The following SPEF2 variants were observed in gnomAD, a reference collection of about 807,000 sequenced individuals.
SPEF2 encodes the protein sperm flagella and cilia-associated protein 2.
A neutral mutation model predicts 224.6 loss-of-function variants in SPEF2; 187 were observed. That is an observed-to-expected ratio of 0.83 (90% CI 0.74 to 0.94). The LOEUF (loss-of-function observed/expected upper bound fraction) is 0.94. SPEF2 is among the 40% of genes least tolerant of loss of function. The pLI is 0.00. For missense variants in SPEF2, 2,170 were observed against 2,135.6 expected (o/e 1.02, Z -0.32); for synonymous variants, 715 against 707.3 (o/e 1.01, Z -0.17).
intron 21 of SPEF2, among the ~76,000 whole-genome samples, chr5:35,729,006 T>A (rs1477364522): frequency 6.6e-6 from 1 of 152,124 alleles, no homozygotes. Flanking sequence ...CCTAAATTCA[T>A]TCTTTAACTC....
At chr5:35,694,720 G>A (rs1004947028) in intron 13 of SPEF2, among the ~76,000 whole-genome samples, 2 of 152,222 alleles carry the variant, frequency 1.3e-5, no homozygotes, top group East Asian at 3.9e-4. Context: ...AGTACAATTG[G>A]GGCTTTCTAC....
intron 23 of SPEF2, among the ~76,000 whole-genome samples, chr5:35,745,767 T>A (rs1329161946): frequency 6.6e-6 from 1 of 152,166 alleles, no homozygotes; most frequent in Non-Finnish European, 1.5e-5. Flanking sequence ...GGGCATATAA[T>A]CTTGGGAGTT....
chr5:35,778,765 T>C (rs56322028), intron 29 of SPEF2, among the ~76,000 whole-genome samples: 46,682 of 151,986 alleles, frequency 0.31, 7,234 homozygotes, highest in African/African-American at 0.33. Context: ...CTTATTCTGG[T>C]TCATACTTAG....
intron 5 of SPEF2, among the ~76,000 whole-genome samples, chr5:35,647,979 G>A (rs1747640443): frequency 6.6e-6 from 1 of 152,174 alleles, no homozygotes; most frequent in South Asian, 2.1e-4. Flanking sequence ...TACAATGATT[G>A]TTTATATTCT....
intron 2 of SPEF2, 119 bp from the exon 3 acceptor site, chr5:35,641,312 T>TA: frequency 8.4e-7 from 1 of 1,185,142 alleles, no homozygotes; most frequent in South Asian, 1.6e-5. Context: ...AGAGGAATGA[T>TA]ACAGCTAAAA....
chr5:35,757,109 A>AATT, intron 24 of SPEF2, among the ~76,000 whole-genome samples: 1 of 103,552 alleles, frequency 9.7e-6, no homozygotes, highest in African/African-American at 2.8e-5. Context: ...TTATCATAAC[A>AATT]ATTAAAAATA....
At chr5:35,806,611 A>G (rs1580806712) in intron 34 of SPEF2, 96 bp from the exon 35 acceptor site, 5 of 1,457,932 alleles carry the variant, frequency 3.4e-6, no homozygotes, top group Non-Finnish European at 4.6e-6. Flanking sequence ...GTCATTCATG[A>G]AAAGTGTGTG....
chr5:35,646,515 A>T, intron 4 of SPEF2, 152 bp from the exon 5 acceptor site: 1 of 588,318 alleles, frequency 1.7e-6, no homozygotes, highest in Non-Finnish European at 2.9e-6. Flanking sequence ...CCTCCTTCTT[A>T]ATATTACACA....
intron 6 of SPEF2, among the ~76,000 whole-genome samples, chr5:35,653,550 C>A (rs1418633717): frequency 2.0e-5 from 3 of 152,058 alleles, no homozygotes; most frequent in Non-Finnish European, 2.9e-5. Context: ...CTTGGGTTAT[C>A]AATAGTCTGC....
intron 21 of SPEF2, among the ~76,000 whole-genome samples, chr5:35,733,105 T>C (rs1456614239): frequency 6.7e-6 from 1 of 149,664 alleles, no homozygotes; most frequent in African/African-American, 2.5e-5. Flanking sequence ...ACAGGTTTTT[T>C]TTTGTTTTTT....
chr5:35,703,453 A>C (rs751079620), intron 16 of SPEF2, among the ~76,000 whole-genome samples: 10 of 152,170 alleles, frequency 6.6e-5, no homozygotes, highest in Non-Finnish European at 1.3e-4. Flanking sequence ...TTCATCAACT[A>C]TACAGGAGTG....
chr5:35,620,163 T>C (rs1038841060), intron 1 of SPEF2, among the ~76,000 whole-genome samples: 2 of 152,200 alleles, frequency 1.3e-5, no homozygotes, highest in East Asian at 3.8e-4. Context: ...AGCTAGGATT[T>C]GTGCACTCAA....
chr5:35,695,529 C>T lies in SPEF2; in HGVS notation c.1976-206C>T, dbSNP rs956621686. The stretch of plus-strand genomic sequence containing the variant: ...GGGAGGTAGGGAGGGAGGGGAAACA[C>T]CAAGACACATAGTGACCAGGATCTT... On this transcript the variant is annotated intron_variant, in intron 13 of 36. Coordinates refer to ENST00000356031, the MANE Select transcript of SPEF2 (RefSeq NM_024867.4). Among the ~76,000 whole-genome samples the T allele has an allele frequency of 3.3e-5, 5 of 152,070 alleles. No individual in the cohort carries two copies. In the East Asian group the frequency reaches 9.7e-4, roughly 29 times the overall value.
At chr5:35,785,998 G>A (rs1755061889) in intron 30 of SPEF2, among the ~76,000 whole-genome samples, 1 of 152,150 alleles carries the variant, frequency 6.6e-6, no homozygotes, top group Non-Finnish European at 1.5e-5. Context: ...ATAGGCAACA[G>A]TAGCTACTTC....
rs140453098 is a variant in SPEF2 at position 35,654,554 on chromosome 5, C to T, written c.806C>T (p.Ser269Phe). The change falls in exon 7 of 37, where the codon TCT (serine) becomes TTT (phenylalanine). Residue 269 changes from serine (S) to phenylalanine (F), a missense_variant. Physicochemically the swap from Ser to Phe is radical, Grantham distance 155 (BLOSUM62 -2). Transcript: ENST00000356031. ...ATTATTCTTAGTGCATCCAAGACTT[C>T]TTTAGATACAGCAGGCCAGACAACC... ...LQAKESASKT[S>F]LDTAGQTTTD... is the part of the protein sequence containing the mutation. The T allele has an allele frequency of 1.1e-5, 18 of 1,586,982 alleles. No individual in the cohort carries two copies. In the African/African-American group the frequency reaches 2.2e-4, roughly 19 times the overall value.
intron 10 of SPEF2, among the ~76,000 whole-genome samples, chr5:35,685,455 A>G (rs1753463908): frequency 6.6e-6 from 1 of 152,154 alleles, no homozygotes; most frequent in African/African-American, 2.4e-5. Context: ...GAAAAGCAAG[A>G]ACACAGGGAT....
At chr5:35,655,949 G>A (rs1748897484) in intron 7 of SPEF2, among the ~76,000 whole-genome samples, 1 of 152,180 alleles carries the variant, frequency 6.6e-6, no homozygotes, top group Admixed American at 6.5e-5. Flanking sequence ...CTGTAATTCA[G>A]GTAAGAGATT....
At position 35,800,040 on chromosome 5, in the gene SPEF2, T is replaced by C; in HGVS notation, c.4903T>C (p.Phe1635Leu). 1 of 1,614,176 alleles carries C rather than the reference T, an allele frequency of 6.2e-7. No homozygotes were observed. Among genetic ancestry groups the C allele is most frequent in the Non-Finnish European group, 8.5e-7 (1 of 1,180,022 alleles). ...QLDYTQMLLY[F>L]ACHPDTVEGV... The stretch of plus-strand genomic sequence containing the variant: ...TGACTACACACAGATGCTGCTTTAC[T>C]TTGCTTGCCACCCAGACACCGTGGA... Residue 1635 changes from phenylalanine (F) to leucine (L), a missense_variant, in exon 34 of 37, where the codon TTT becomes CTT. Coordinates refer to ENST00000356031, the MANE Select transcript of SPEF2 (RefSeq NM_024867.4).
intron 27 of SPEF2, among the ~76,000 whole-genome samples, chr5:35,772,147 T>C (rs1460363383): frequency 6.6e-6 from 1 of 152,184 alleles, no homozygotes; most frequent in Non-Finnish European, 1.5e-5. Context: ...TCCTTTTCTC[T>C]TGGAGGCCTC....
Sources: gnomAD v4.1 joint callset for allele counts (sites outside exome capture counted in the v4.1 genomes callset) on GRCh38, gnomAD v4.1.1 for gene constraint, MANE v1.5 for transcripts, NCBI Gene and HGNC (gene_info 2026-07-23, HGNC 2026-07-21) for gene names.